The following GRIN3B variants were observed in gnomAD, a reference collection of about 807,000 sequenced individuals.
GRIN3B encodes glutamate receptor ionotropic, NMDA 3B.
In GRIN3B, 77 loss-of-function variants were observed where a neutral mutation model predicts 66.0. That is an observed-to-expected ratio of 1.17 (90% CI 0.97 to 1.41). The LOEUF is 1.41. Among genes scored for constraint, GRIN3B ranks in the 40% most tolerant of loss-of-function variants. The probability of loss-of-function intolerance (pLI) is 0.00; values close to 1 mark genes in which losing one functional copy is unlikely to be tolerated. For synonymous variants in GRIN3B, 823 were observed against 749.7 expected (o/e 1.10, Z -1.60); for missense variants, 1,787 against 1,564.5 (o/e 1.14, Z -2.40).
chr19:1,007,549 A>ACCCCGGAGAACGGCGCG lies in GRIN3B; in HGVS notation c.2053-74_2053-58dup. 7.4e-7 allele frequency: 1 copy of ACCCCGGAGAACGGCGCG among 1,348,726 alleles called. No individual in the cohort carries two copies. Among genetic ancestry groups the ACCCCGGAGAACGGCGCG allele is most frequent in the South Asian group, 1.7e-5 (1 of 57,558 alleles). 83.5% of individuals were successfully genotyped at this position (1,348,726 alleles called of 1,614,324 possible). The stretch of plus-strand genomic sequence containing the variant: ...GCCCTGCAGTGCCCAGGACGGCCCC[A>ACCCCGGAGAACGGCGCG]CCCCGGAGAACGGCGCGCCCCTCAA... On this transcript the variant is annotated intron_variant, in intron 3 of 8. Coordinates refer to ENST00000234389, the MANE Select transcript of GRIN3B (RefSeq NM_138690.3). This position sits in a 1 kb window ranked among gnomAD's most constrained non-coding sequence, Gnocchi z 4.4.
Position 1,003,241 on chromosome 19 carries a change from C to G in GRIN3B, c.538C>G (p.Arg180Gly). Residue 180 changes from arginine to glycine, a missense_variant, in exon 2 of 9, where the codon CGC (arginine) becomes GGC (glycine). Arg to Gly is a moderately radical substitution (Grantham distance 125). Transcript: ENST00000234389. ...GGAAGACGTCGGCCTGGCCCTGTGCCGCACTCAGGACCCCGGCGGCCTGGT... is the reference window on the plus strand; with the variant it reads ...GGAAGACGTCGGCCTGGCCCTGTGCGGCACTCAGGACCCCGGCGGCCTGGT... The part of the protein sequence containing the change: ...AWEDVGLALC[R>G]TQDPGGLVAL... 1 of 1,577,682 alleles carries G rather than the reference C, an allele frequency of 6.3e-7. No individual in the cohort carries two copies. The highest frequency in any genetic ancestry group is 8.6e-7 in the Non-Finnish European group (1 of 1,163,408).
Position 1,009,631 on chromosome 19 carries a change from AC to A in GRIN3B, c.*30del. 1.4e-6 allele frequency: 2 copies of A among 1,381,178 alleles called. No individual in the cohort carries two copies. The highest frequency in any genetic ancestry group is 1.6e-5 in the South Asian group (1 of 62,974). 85.6% of individuals were successfully genotyped at this position (1,381,178 alleles called of 1,614,324 possible). On this transcript the variant is annotated 3_prime_UTR_variant, in exon 9 of 9. Coordinates refer to ENST00000234389, the MANE Select transcript of GRIN3B (RefSeq NM_138690.3). ...GGCAGCCGGGCCGTTTGGGCTCAAG[AC>A]ACACACACAGCGCAGTGAGCCGCTG...
Position 1,003,282 on chromosome 19 carries a change from C to A in GRIN3B, c.579C>A (p.Ser193Arg). The change falls in exon 2 of 9, where the codon AGC becomes AGA. Residue 193 changes from serine (S) to arginine (R), a missense_variant. Physicochemically the swap from Ser to Arg is moderately radical, Grantham distance 110. Transcript: ENST00000234389. ...GCGGCCTGGTGGCCCTCTGGACAAG[C>A]CGGGCTGGCCGGCCCCCACAGCTGG... ...DPGGLVALWT[S>R]RAGRPPQLVL... The A allele has an allele frequency of 6.4e-7, 1 of 1,569,568 alleles. No homozygotes were observed. The highest frequency in any genetic ancestry group is 1.2e-5 in the South Asian group (1 of 85,612).
rs2038760902 is a variant in GRIN3B, at chr19:1,007,328, T to C, written c.2053-300T>C. Among the ~76,000 whole-genome samples, 1 of 151,866 alleles carries C rather than the reference T, an allele frequency of 6.6e-6. No homozygotes were observed. The highest frequency in any genetic ancestry group is 2.4e-5 in the African/African-American group (1 of 41,302). On this transcript the variant is annotated intron_variant, in intron 3 of 8. Transcript: ENST00000234389. This position sits in a 1 kb window ranked among gnomAD's most constrained non-coding sequence, Gnocchi z 4.4. The stretch of plus-strand genomic sequence containing the variant: ...GGGAGAGGCAGAGGAGGTGGTGGGA[T>C]AGGCGTCCAGCCCAGGGCGAGGTCC...
intron 1 of GRIN3B, among the ~76,000 whole-genome samples, chr19:1,001,157 G>A (rs2038680983): frequency 6.6e-6 from 1 of 151,950 alleles, no homozygotes; most frequent in Non-Finnish European, 1.5e-5. Flanking sequence ...CCCTGGTGAT[G>A]GGGACCCCGC....
Position 1,005,261 on chromosome 19 carries a change from T to TCAC in GRIN3B, c.1762_1764dup (p.Thr588dup), listed in dbSNP as rs769203043. On this transcript the variant is annotated inframe_insertion, in exon 3 of 9. Transcript: ENST00000234389. This position sits in a 1 kb window ranked among gnomAD's most constrained non-coding sequence, Gnocchi z 5.2. ...CTGGGCGTCTTTGCGGCCCTGCACC[T>TCAC]CACCGCGCTCTTCCTCACCGTGTAC... The TCAC allele has an allele frequency of 1.2e-6, 2 of 1,613,242 alleles. No individual in the cohort carries two copies. The highest frequency in any genetic ancestry group is 8.5e-7 in the Non-Finnish European group (1 of 1,179,858).
In GRIN3B at chr19:1,008,347, A is replaced by G. The variant is rs1471617515; in HGVS notation, c.2466+56A>G. ...GTGGGGGTGGGCGTGGGGGGCCCTG[A>G]GCCTTGTCTGAAGTGACCAACCCCA... is the stretch of plus-strand genomic sequence containing the variant. On this transcript the variant is annotated intron_variant, in intron 6 of 8. Coordinates refer to ENST00000234389, the MANE Select transcript of GRIN3B (RefSeq NM_138690.3). 1.4e-5 allele frequency: 18 copies of G among 1,267,804 alleles called. No individual in the cohort carries two copies. In the African/African-American group the frequency reaches 2.7e-4, roughly 19 times the overall value. The allele number at this position is 1,267,804 out of a possible 1,614,324, so 78.5% of individuals were successfully genotyped here. A position where few individuals can be genotyped will look rare whatever the true frequency, so the allele number is the denominator to read the frequency against.
At position 1,000,442 on chromosome 19, in the gene GRIN3B, A is replaced by T; in HGVS notation, c.5A>T (p.Glu2Val). The T allele has an allele frequency of 8.3e-7, 1 of 1,211,166 alleles. No individual in the cohort carries two copies. Among genetic ancestry groups the T allele is most frequent in the Non-Finnish European group, 1.0e-6 (1 of 973,454 alleles). 75.0% of individuals were successfully genotyped at this position (1,211,166 alleles called of 1,614,324 possible). A position where few individuals can be genotyped will look rare whatever the true frequency, so the allele number is the denominator to read the frequency against. ...AGCGACGCCGACAACTTTGCGATGG[A>T]GTTTGTGCGGGCGCTGTGGCTGGGC... M[E>V]FVRALWLGLA... is the part of the protein sequence containing the mutation. Residue 2 changes from glutamate to valine, a missense_variant, in exon 1 of 9, where the codon GAG becomes GTG. Transcript: ENST00000234389.
In GRIN3B at chr19:1,007,687, G is replaced by C; in HGVS notation, c.2112G>C (p.Ala704=). 1.3e-6 allele frequency: 2 copies of C among 1,536,984 alleles called. No homozygotes were observed. The highest frequency in any genetic ancestry group is 1.7e-6 in the Non-Finnish European group (2 of 1,143,040). The stretch of plus-strand genomic sequence containing the variant: ...CCGTGTGGGAGAGCAGCGCCGAGGC[G>C]TACATCAAGAAGAGCTTCCCCGACA... ...FGTVWESSAE[A]YIKKSFPDMH... The change falls in exon 4 of 9, where the codon GCG becomes GCC. Residue 704 remains alanine, a synonymous_variant. Transcript: ENST00000234389. The surrounding 1 kb of genome is among the most constrained non-coding windows in gnomAD (Gnocchi z 4.4).
Position 1,005,666 on chromosome 19 carries a change from C to G in GRIN3B, c.2052+113C>G. The G allele has an allele frequency of 3.9e-6, 3 of 769,408 alleles. No homozygotes were observed. The highest frequency in any genetic ancestry group is 3.8e-5 in the South Asian group (2 of 53,160). The allele number at this position is 769,408 out of a possible 1,614,324, so 47.7% of individuals were successfully genotyped here. A position where few individuals can be genotyped will look rare whatever the true frequency, so the allele number is the denominator to read the frequency against. On this transcript the variant is annotated intron_variant, in intron 3 of 8. Coordinates refer to ENST00000234389, the MANE Select transcript of GRIN3B (RefSeq NM_138690.3). This position sits in a 1 kb window ranked among gnomAD's most constrained non-coding sequence, Gnocchi z 5.2. Reference sequence around the variant, plus strand: ...ACGTGGAGGACGTCCACTAGGCCAACTCTGGTCCCAAGAGACATTTATTCA... The same window carrying G: ...ACGTGGAGGACGTCCACTAGGCCAAGTCTGGTCCCAAGAGACATTTATTCA...
Position 1,000,615 on chromosome 19 carries a change from GC to G in GRIN3B, c.180del (p.Ala61ProfsTer10). On this transcript the variant is annotated frameshift_variant, in exon 1 of 9. Transcript: ENST00000234389. LOFTEE classifies it high-confidence loss of function. ...RARARAALARAALAPRLPHNL... is the reference protein window; with the variant it reads ...RARARAALARXALAPRLPHNL... The stretch of plus-strand genomic sequence containing the variant: ...CCGCGCCCGCGCCGCCCTGGCCCGG[GC>G]CGCCCTGGCGCCGCGGCTGCCGCAC... 8.9e-7 allele frequency: 1 copy of G among 1,128,784 alleles called. No homozygotes were observed. Among genetic ancestry groups the G allele is most frequent in the Non-Finnish European group, 1.1e-6 (1 of 925,164 alleles). 69.9% of individuals were successfully genotyped at this position (1,128,784 alleles called of 1,614,324 possible).
rs747493095 is a variant in GRIN3B at position 1,008,227 on chromosome 19, A to G, written c.2402A>G (p.Asp801Gly). Residue 801 changes from aspartate to glycine, a missense_variant, in exon 6 of 9, where the codon GAC (aspartate) becomes GGC (glycine). Physicochemically the swap from Asp to Gly is moderately conservative, Grantham distance 94. Coordinates refer to ENST00000234389, the MANE Select transcript of GRIN3B (RefSeq NM_138690.3). ...ISRYKSSGFI[D>G]LLHDKWYKMV... ...CGCTACAAGTCCTCCGGCTTCATCGACCTGCTCCACGACAAGTGGTACAAG... is the reference window on the plus strand; with the variant it reads ...CGCTACAAGTCCTCCGGCTTCATCGGCCTGCTCCACGACAAGTGGTACAAG... 2 of 1,592,976 alleles carry G rather than the reference A, an allele frequency of 1.3e-6. No homozygotes were observed. The highest frequency in any genetic ancestry group is 2.2e-5 in the South Asian group (2 of 90,564).
Position 1,005,461 on chromosome 19 carries a change from C to T in GRIN3B, c.1960C>T (p.Leu654=). ...CATGAACCTCTGGGCCATCTTCTGC[C>T]TGCTGGTGCTGTCCAGCTACACGGC... ...LLMNLWAIFC[L]LVLSSYTANL... is the part of the protein sequence containing the mutation. The change falls in exon 3 of 9, where the codon CTG becomes TTG. Residue 654 remains leucine (L), a synonymous_variant. Transcript: ENST00000234389. The surrounding 1 kb of genome is among the most constrained non-coding windows in gnomAD (Gnocchi z 5.2). 6.2e-7 allele frequency: 1 copy of T among 1,613,486 alleles called. No individual in the cohort carries two copies. Among genetic ancestry groups the T allele is most frequent in the Non-Finnish European group, 8.5e-7 (1 of 1,179,988 alleles).
In GRIN3B at chr19:1,008,161, A is replaced by G; in HGVS notation, c.2336A>G (p.Gln779Arg). 6.2e-7 allele frequency: 1 copy of G among 1,601,230 alleles called. No individual in the cohort carries two copies. Among genetic ancestry groups the G allele is most frequent in the African/African-American group, 1.3e-5 (1 of 74,928 alleles). Residue 779 changes from glutamine to arginine, a missense_variant, in exon 6 of 9, where the codon CAG becomes CGG. Physicochemically the swap from Gln to Arg is conservative, Grantham distance 43. Transcript: ENST00000234389. ...AIEGYGIGLP[Q>R]NSPLTSNLSE... is the part of the protein sequence containing the mutation. ...CCAGGCTATGGGATCGGACTGCCCC[A>G]GAACTCGCCGCTCACCTCCAACCTG...
chr19:1,009,082 G>A (rs1283960819), intron 8 of GRIN3B, 91 bp from the exon 9 acceptor site: 4 of 1,446,792 alleles, frequency 2.8e-6, no homozygotes, highest in African/African-American at 1.4e-5. Context: ...TGTGCCTGTC[G>A]GCCATCCTCT....
chr19:1,007,947 G>T lies in GRIN3B; in HGVS notation c.2290G>T (p.Val764Leu), dbSNP rs756436281. ...CGACGCCGACTGCAAACTGCTGACC[G>T]TGGGAAAGCCCTTCGCCATTGAGGG... ...SIDADCKLLT[V>L]GKPFAIEGYG... The change falls in exon 5 of 9, where the codon GTG becomes TTG. Residue 764 changes from valine to leucine, a missense_variant. Coordinates refer to ENST00000234389, the MANE Select transcript of GRIN3B (RefSeq NM_138690.3). This position sits in a 1 kb window ranked among gnomAD's most constrained non-coding sequence, Gnocchi z 4.4. The T allele has an allele frequency of 1.9e-6, 3 of 1,612,104 alleles. No individual in the cohort carries two copies. Among genetic ancestry groups the T allele is most frequent in the Non-Finnish European group, 2.5e-6 (3 of 1,179,644 alleles).
In GRIN3B at chr19:1,008,758, G is replaced by A. The variant is rs867502138; in HGVS notation, c.2607G>A (p.Leu869=). ...CGCGCATCCGCAAGGGGAGCAGGCT[G>A]CAGTACTGGCTGCACACCAGCCAGG... is the stretch of plus-strand genomic sequence containing the variant. ...ALPRIRKGSR[L]QYWLHTSQKI... is the part of the protein sequence containing the mutation. The change falls in exon 7 of 9, where the codon CTG becomes CTA. Residue 869 remains leucine (L), a synonymous_variant. Coordinates refer to ENST00000234389, the MANE Select transcript of GRIN3B (RefSeq NM_138690.3). The A allele has an allele frequency of 3.1e-6, 5 of 1,605,328 alleles. No individual in the cohort carries two copies. In the Middle Eastern group the frequency reaches 6.6e-4, roughly 213 times the overall value.
At position 1,000,523 on chromosome 19, in the gene GRIN3B, T is replaced by C. The variant is rs2038670748; in HGVS notation, c.86T>C (p.Val29Ala). The C allele has an allele frequency of 1.7e-6, 2 of 1,181,388 alleles. No individual in the cohort carries two copies. Among genetic ancestry groups the C allele is most frequent in the African/African-American group, 1.6e-5 (1 of 62,176 alleles). The allele number at this position is 1,181,388 out of a possible 1,614,324, so 73.2% of individuals were successfully genotyped here. ...SAGGHPQPCG[V>A]LARLGGSVRL... Reference sequence around the variant, plus strand: ...GGGGGCCACCCTCAGCCGTGCGGCGTCCTGGCGCGCCTCGGGGGCTCCGTG... The same window carrying C: ...GGGGGCCACCCTCAGCCGTGCGGCGCCCTGGCGCGCCTCGGGGGCTCCGTG... Residue 29 changes from valine to alanine, a missense_variant, in exon 1 of 9, where the codon GTC (valine) becomes GCC (alanine). By Grantham distance (64) the Val-to-Ala change is moderately conservative. Coordinates refer to ENST00000234389, the MANE Select transcript of GRIN3B (RefSeq NM_138690.3).
Position 1,008,712 on chromosome 19 carries a change from C to A in GRIN3B, c.2561C>A (p.Ala854Asp). The change falls in exon 7 of 9, where the codon GCC becomes GAC. Residue 854 changes from alanine to aspartate, a missense_variant. Physicochemically the swap from Ala to Asp is moderately radical, Grantham distance 126 (BLOSUM62 -2). Transcript: ENST00000234389. Reference protein sequence around the residue: ...SALLSSLGEHAFFRLALPRIR... With the variant: ...SALLSSLGEHDFFRLALPRIR... ...CTGCTCAGCTCGCTGGGCGAGCACG[C>A]CTTCTTCCGCCTGGCGCTGCCGCGC... The A allele has an allele frequency of 6.2e-7, 1 of 1,608,598 alleles. No homozygotes were observed. The highest frequency in any genetic ancestry group is 1.7e-5 in the Admixed American group (1 of 59,940).
Sources: allele counts gnomAD v4.1 joint callset (sites outside exome capture counted in the v4.1 genomes callset), GRCh38; gene constraint gnomAD v4.1.1; non-coding constraint Gnocchi (gnomAD v3.1); transcripts MANE v1.5; gene names NCBI Gene and HGNC (gene_info 2026-07-23, HGNC 2026-07-21).